CCDC93: variants seen among roughly 807,000 people sequenced by gnomAD.
CCDC93 encodes CCC complex scaffolding subunit CCDC93, also known as coiled-coil domain-containing protein 93.
In CCDC93, 61 loss-of-function variants were observed where a neutral mutation model predicts 108.2. The observed-to-expected ratio is 0.56, with a 90% confidence interval of 0.46 to 0.70. CCDC93 has a LOEUF of 0.70. CCDC93 is among the 30% of genes least tolerant of loss of function. The pLI is 0.00. For missense variants in CCDC93, 685 were observed against 764.2 expected (o/e 0.90, Z 1.22); for synonymous variants, 276 against 260.4 (o/e 1.06, Z -0.58).
intron 7 of CCDC93, among the ~76,000 whole-genome samples, chr2:117,980,523 T>C (rs1680084447): frequency 1.3e-5 from 2 of 152,070 alleles, no homozygotes; most frequent in Admixed American, 6.5e-5. Context: ...AGACAGAGGC[T>C]CTGGGAAGAC....
intron 1 of CCDC93, among the ~76,000 whole-genome samples, chr2:118,010,764 A>G (rs1035961574): frequency 6.6e-6 from 1 of 152,172 alleles, no homozygotes; most frequent in Admixed American, 6.5e-5. Context: ...CTATCTTTTC[A>G]GGTTCATCCT....
chr2:117,962,591 C>T (rs1235762918), intron 11 of CCDC93, among the ~76,000 whole-genome samples: 8 of 152,152 alleles, frequency 5.3e-5, no homozygotes, highest in South Asian at 2.1e-4. Context: ...TGCAGTGAGC[C>T]GAGGTCACAC....
At chr2:117,961,536 C>T (rs1403779645) in intron 11 of CCDC93, among the ~76,000 whole-genome samples, 2 of 152,190 alleles carry the variant, frequency 1.3e-5, no homozygotes, top group African/African-American at 4.8e-5. Context: ...GAGTTCCTAA[C>T]CTAGTAAACA....
rs898701661 is a variant in CCDC93 at position 117,996,276 on chromosome 2, G to A, written c.450C>T (p.Tyr150=). ...SYSVSQFQKT[Y]SLPEDDDFIK... ...TCACAATACTGACCTCAGGGAGACT[G>A]TAAGTCTTCTGGAACTGGGATACAG... is the stretch of plus-strand genomic sequence containing the variant. Residue 150 remains tyrosine, a synonymous_variant, in exon 5 of 24, where the codon TAC becomes TAT. Coordinates refer to ENST00000376300, the MANE Select transcript of CCDC93 (RefSeq NM_019044.5). 6.2e-7 allele frequency: 1 copy of A among 1,606,498 alleles called. No individual in the cohort carries two copies. The highest frequency in any genetic ancestry group is 1.7e-5 in the Admixed American group (1 of 60,010).
chr2:117,923,655 GGCCTGCCT>G (rs756961154), intron 23 of CCDC93, among the ~76,000 whole-genome samples: 28 of 132,412 alleles, frequency 2.1e-4, no homozygotes, highest in East Asian at 8.0e-4. Flanking sequence ...AGCACAAGGA[GGCCTGCCT>G]GCCTGCCTGC....
intron 12 of CCDC93, among the ~76,000 whole-genome samples, chr2:117,953,856 T>C (rs979137743): frequency 3.3e-5 from 5 of 152,076 alleles, no homozygotes; most frequent in African/African-American, 7.2e-5. Context: ...ATCATGCCAC[T>C]GGACTCTAGC....
rs757008270 is a variant in CCDC93, at chr2:117,975,145, T to G, written c.750+43A>C. ...GATAAGAGTACGATTTCTCCCAAAA[T>G]GACTTACACAGAAACCTCAGAGGGC... On this transcript the variant is annotated intron_variant, in intron 9 of 23. Transcript: ENST00000376300. 5 of 1,524,390 alleles carry G rather than the reference T, an allele frequency of 3.3e-6. No individual in the cohort carries two copies. In the Admixed American group the frequency reaches 8.6e-5, roughly 26 times the overall value. The allele number at this position is 1,524,390 out of a possible 1,614,324, so 94.4% of individuals were successfully genotyped here. A position where few individuals can be genotyped will look rare whatever the true frequency, so the allele number is the denominator to read the frequency against.
chr2:117,979,424 G>C (rs1416322424), intron 7 of CCDC93, among the ~76,000 whole-genome samples: 1 of 152,130 alleles, frequency 6.6e-6, no homozygotes, highest in African/African-American at 2.4e-5. Context: ...CATGTGCTCA[G>C]CCTGGCCTAT....
intron 11 of CCDC93, among the ~76,000 whole-genome samples, chr2:117,959,372 T>C (rs889901): frequency 0.97 from 147,685 of 152,336 alleles, 71,777 homozygotes; most frequent in Middle Eastern, 1. Context: ...TAAAACATCT[T>C]CTTTCTTATA....
intron 23 of CCDC93, among the ~76,000 whole-genome samples, chr2:117,922,600 C>T (rs1051395943): frequency 2.2e-4 from 33 of 151,962 alleles, no homozygotes; most frequent in African/African-American, 7.3e-4. Flanking sequence ...CAAAGGCAAC[C>T]GCTAAGGTGG....
At chr2:118,013,351 C>A (rs1345003327) in intron 1 of CCDC93, among the ~76,000 whole-genome samples, 2 of 152,244 alleles carry the variant, frequency 1.3e-5, no homozygotes, top group African/African-American at 4.8e-5. Flanking sequence ...CCACCCCGAA[C>A]GCCCCGGCGC....
rs898825487 is a variant in CCDC93 at position 117,917,624 on chromosome 2, G to GT, written c.*2718dup. On this transcript the variant is annotated 3_prime_UTR_variant, in exon 24 of 24. Transcript: ENST00000376300. The stretch of plus-strand genomic sequence containing the variant: ...AACCCTCAGTGTGACTCTGACGACT[G>GT]TTTAACATTCTGTACCTCCCTCTAG... 2 of 152,286 alleles carry GT rather than the reference G, an allele frequency of 1.3e-5. No homozygotes were observed. The highest frequency in any genetic ancestry group is 2.9e-5 in the Non-Finnish European group (2 of 68,040). 9.4% of individuals were successfully genotyped at this position (152,286 alleles called of 1,614,324 possible).
At position 117,948,055 on chromosome 2, in the gene CCDC93, GA is replaced by G. The variant is rs756341039; in HGVS notation, c.1224+49del. 5 of 1,432,114 alleles carry G rather than the reference GA, an allele frequency of 3.5e-6. No individual in the cohort carries two copies. In the African/African-American group the frequency reaches 4.2e-5, roughly 12 times the overall value. 88.7% of individuals were successfully genotyped at this position (1,432,114 alleles called of 1,614,324 possible). On this transcript the variant is annotated intron_variant, in intron 15 of 23. Coordinates refer to ENST00000376300, the MANE Select transcript of CCDC93 (RefSeq NM_019044.5). ...CAACAGGACAACGGAGGTAAACCAA[GA>G]GATTCAATAAGCGTCCTGGTTTATT...
rs767844842 is a variant in CCDC93, at chr2:117,973,924, G to A, written c.872C>T (p.Ser291Phe). ...LCSAEIKQIV[S>F]EYAEKQSELS... ...CCCACCTACCTTCTCTGCATACTCG[G>A]ACACAATCTGCTTGATCTCAGCAGA... The change falls in exon 11 of 24, where the codon TCC becomes TTC. Residue 291 changes from serine to phenylalanine, a missense_variant. Coordinates refer to ENST00000376300, the MANE Select transcript of CCDC93 (RefSeq NM_019044.5). 8 of 1,611,668 alleles carry A rather than the reference G, an allele frequency of 5.0e-6. No individual in the cohort carries two copies. In the African/African-American group the frequency reaches 8.0e-5, roughly 16 times the overall value.
intron 3 of CCDC93, chr2:118,001,178 G>T (rs1559503): frequency 0.99 from 359,975 of 365,112 alleles, 177,663 homozygotes; most frequent in Non-Finnish European, 1. Flanking sequence ...CTACTTTTTT[G>T]GATGTAAAAT....
chr2:117,971,844 T>C (rs533090113), intron 11 of CCDC93, among the ~76,000 whole-genome samples: 3 of 152,342 alleles, frequency 2.0e-5, no homozygotes, highest in East Asian at 3.9e-4. Context: ...AACTGCAATA[T>C]GGGAATAGGA....
rs896682388 is a variant in CCDC93 at position 117,916,203 on chromosome 2, C to G, written c.*4140G>C. The G allele has an allele frequency of 2.0e-5, 3 of 152,236 alleles. No homozygotes were observed. Among genetic ancestry groups the G allele is most frequent in the Admixed American group, 2.0e-4 (3 of 15,280 alleles). The allele number at this position is 152,236 out of a possible 1,614,324, so 9.4% of individuals were successfully genotyped here. On this transcript the variant is annotated 3_prime_UTR_variant, in exon 24 of 24. Coordinates refer to ENST00000376300, the MANE Select transcript of CCDC93 (RefSeq NM_019044.5). Reference sequence around the variant, plus strand: ...CCCACAGCCTTGCACTGTGGTCCCACTTCTTGGTTCACATGGCTGAGACAT... The same window carrying G: ...CCCACAGCCTTGCACTGTGGTCCCAGTTCTTGGTTCACATGGCTGAGACAT...
At chr2:117,978,161 G>A (rs1037869157) in intron 7 of CCDC93, 131 bp from the exon 8 acceptor site, 3 of 773,192 alleles carry the variant, frequency 3.9e-6, no homozygotes, top group African/African-American at 1.7e-5. Flanking sequence ...TTGAGAAAAC[G>A]TTACAAGTGC....
chr2:118,004,727 C>T (rs780688472), intron 3 of CCDC93, among the ~76,000 whole-genome samples: 14 of 152,178 alleles, frequency 9.2e-5, no homozygotes, highest in Non-Finnish European at 1.9e-4. Context: ...TCTGGTGGGT[C>T]CTTAGTCACG....
Sources: gnomAD v4.1 joint callset for allele counts (sites outside exome capture counted in the v4.1 genomes callset) on GRCh38, gnomAD v4.1.1 for gene constraint, MANE v1.5 for transcripts, NCBI Gene and HGNC (gene_info 2026-07-23, HGNC 2026-07-21) for gene names.